The following DNAH6 variants were observed in gnomAD, a reference collection of about 807,000 sequenced individuals.
DNAH6 encodes dynein axonemal heavy chain 6, also known as axonemal beta dynein heavy chain 6.
Under a neutral mutation model 491.4 loss-of-function variants are expected in DNAH6, and 340 were observed. That is an observed-to-expected ratio of 0.69 (90% CI 0.63 to 0.76). The LOEUF (loss-of-function observed/expected upper bound fraction) is 0.76, where lower values mean the gene tolerates loss of function less well. DNAH6 is among the 30% of genes least tolerant of loss of function. The pLI, the probability that DNAH6 is intolerant of heterozygous loss-of-function variation, is 0.00. For synonymous variants in DNAH6, 1,603 were observed against 1,686.1 expected, an observed-to-expected ratio of 0.95 and a Z score of 1.21; for missense variants, 4,443 against 4,972.2, an observed-to-expected ratio of 0.89 and a Z score of 3.20.
intron 29 of DNAH6, among the ~76,000 whole-genome samples, chr2:84,625,894 A>C (rs1048468016): frequency 2.6e-5 from 4 of 152,160 alleles, no homozygotes; most frequent in Non-Finnish European, 5.9e-5. Flanking sequence ...TGAAAAGAGG[A>C]ATTTTTTTAA....
chr2:84,509,560 T>A, the DNAH6 span, among the ~76,000 whole-genome samples: 1 of 152,224 alleles, frequency 6.6e-6, no homozygotes, highest in Admixed American at 6.5e-5. Flanking sequence ...AATTGGAGCA[T>A]TTATCCCATT....
intron 40 of DNAH6, among the ~76,000 whole-genome samples, chr2:84,672,705 C>T (rs1485122270): frequency 1.3e-5 from 2 of 152,134 alleles, no homozygotes; most frequent in Non-Finnish European, 2.9e-5. Flanking sequence ...ACATGGGCTT[C>T]TCTCTGTGTC....
At chr2:84,565,581 TTTTA>T (rs1681112415) in intron 11 of DNAH6, among the ~76,000 whole-genome samples, 1 of 152,010 alleles carries the variant, frequency 6.6e-6, no homozygotes, top group African/African-American at 2.4e-5. Context: ...TCTTTTTTCT[TTTTA>T]TTTGTTAATC....
At chr2:84,498,073 A>G in the DNAH6 span, among the ~76,000 whole-genome samples, 10 of 152,350 alleles carry the variant, frequency 6.6e-5, no homozygotes, top group South Asian at 1.4e-3. Context: ...CTAAACTTCC[A>G]TAGGGCCACC....
At chr2:84,612,284 A>G (rs1004097993) in intron 22 of DNAH6, among the ~76,000 whole-genome samples, 5 of 139,822 alleles carry the variant, frequency 3.6e-5, no homozygotes, top group African/African-American at 1.6e-4. Flanking sequence ...GAATTCATTA[A>G]AACTAGTAAA....
intron 57 of DNAH6, among the ~76,000 whole-genome samples, chr2:84,714,118 C>T (rs1447826262): frequency 6.6e-6 from 1 of 152,210 alleles, no homozygotes; most frequent in African/African-American, 2.4e-5. Flanking sequence ...TGTCTGTGCA[C>T]TCTGCAGGCT....
upstream of DNAH6, among the ~76,000 whole-genome samples, chr2:84,512,615 G>T (rs1675380552): frequency 6.6e-6 from 1 of 152,126 alleles, no homozygotes; most frequent in African/African-American, 2.4e-5. Context: ...TTCAACTGCT[G>T]TTGTTGAATT....
At chr2:84,637,514 T>C in intron 31 of DNAH6, 137 bp downstream of exon 31, 2 of 1,016,494 alleles carry the variant, frequency 2.0e-6, no homozygotes, top group East Asian at 2.8e-5. Context: ...ATATGATTGT[T>C]ATCACATGGA....
At chr2:84,743,670 A>G (rs1375648481) in intron 62 of DNAH6, among the ~76,000 whole-genome samples, 1 of 152,140 alleles carries the variant, frequency 6.6e-6, no homozygotes. Flanking sequence ...AAAATACAAA[A>G]AATTAGCCTG....
intron 41 of DNAH6, among the ~76,000 whole-genome samples, chr2:84,678,346 T>C (rs1287859690): frequency 6.6e-6 from 1 of 152,138 alleles, no homozygotes; most frequent in African/African-American, 2.4e-5. Context: ...AGAAGGGTTG[T>C]CTAAGGCCTG....
At chr2:84,628,152 G>A (rs12611795) in intron 29 of DNAH6, among the ~76,000 whole-genome samples, 1 of 152,164 alleles carries the variant, frequency 6.6e-6, no homozygotes, top group African/African-American at 2.4e-5. Context: ...CAGAAGAAGG[G>A]GGTATAGTCT....
intron 37 of DNAH6, among the ~76,000 whole-genome samples, chr2:84,665,289 A>C (rs1573409584): frequency 6.6e-6 from 1 of 150,906 alleles, no homozygotes; most frequent in Non-Finnish European, 1.5e-5. Context: ...AAAACCCTTC[A>C]AAAAAATCAA....
chr2:84,556,211 A>C (rs555173082), intron 10 of DNAH6, among the ~76,000 whole-genome samples: 3 of 152,308 alleles, frequency 2.0e-5, no homozygotes, highest in African/African-American at 7.2e-5. Context: ...ACTTCATGTA[A>C]CTCAAGATTT....
chr2:84,475,246 G>T, the DNAH6 span, among the ~76,000 whole-genome samples: 3 of 152,180 alleles, frequency 2.0e-5, no homozygotes, highest in Admixed American at 2.0e-4. Flanking sequence ...TGCTGCAGAG[G>T]TTTACAACAG....
rs1459876028 is a variant in DNAH6, at chr2:84,642,016, T to C, written c.5040T>C (p.Asn1680=). ...TGATAAGAGCTTTACAAGACTCCAA[T>C]TTGCCAAAATTTCTAACAGATGATG... is the stretch of plus-strand genomic sequence containing the variant. ...VVLIRALQDS[N]LPKFLTDDAL... The change falls in exon 33 of 77, where the codon AAT becomes AAC. Residue 1680 remains asparagine (N), a synonymous_variant. Coordinates refer to ENST00000389394, the MANE Select transcript of DNAH6 (RefSeq NM_001370.2). 1 of 1,551,046 alleles carries C rather than the reference T, an allele frequency of 6.4e-7. No homozygotes were observed. Among genetic ancestry groups the C allele is most frequent in the Admixed American group, 2.0e-5 (1 of 50,978 alleles).
chr2:84,532,772 A>C (rs557458240), intron 4 of DNAH6, among the ~76,000 whole-genome samples: 35 of 152,292 alleles, frequency 2.3e-4, no homozygotes, highest in African/African-American at 7.7e-4. Flanking sequence ...TTAAAGTTGC[A>C]CTTCTTATAG....
the DNAH6 span, among the ~76,000 whole-genome samples, chr2:84,501,049 C>T: frequency 6.6e-6 from 1 of 152,186 alleles, no homozygotes; most frequent in South Asian, 2.1e-4. Context: ...CTAGCTAAGA[C>T]TTCCAGTACT....
chr2:84,645,131 C>T (rs1466129479), intron 33 of DNAH6, among the ~76,000 whole-genome samples: 6 of 151,992 alleles, frequency 3.9e-5, no homozygotes, highest in Non-Finnish European at 1.5e-5. Context: ...TAGTAATAGC[C>T]ATTCTAGGCC....
chr2:84,497,282 T>C, the DNAH6 span, among the ~76,000 whole-genome samples: 1 of 152,350 alleles, frequency 6.6e-6, no homozygotes, highest in East Asian at 1.9e-4. Context: ...CAACAATATG[T>C]ACTCTTTTGT....
Sources: allele counts gnomAD v4.1 joint callset (sites outside exome capture counted in the v4.1 genomes callset), GRCh38; gene constraint gnomAD v4.1.1; transcripts MANE v1.5; gene names NCBI Gene and HGNC (gene_info 2026-07-23, HGNC 2026-07-21).